AQP4: variants seen among roughly 807,000 people sequenced by gnomAD.
The protein encoded by AQP4 is aquaporin 4, also known as aquaporin-4.
In AQP4, 18 loss-of-function variants were observed where a neutral mutation model predicts 27.8. That is an observed-to-expected ratio of 0.65 (90% CI 0.45 to 0.96). The LOEUF is 0.96. Among genes scored for constraint, AQP4 ranks in the 40% least tolerant of loss-of-function variants. The pLI is 0.00. For missense variants in AQP4, 412 were observed against 408.2 expected (o/e 1.01, Z -0.08); for synonymous variants, 141 against 142.9 (o/e 0.99, Z 0.10).
chr18:26,862,197 G>A lies in AQP4; in HGVS notation c.432C>T (p.Gly144=). Residue 144 remains glycine (G), a synonymous_variant, in exon 2 of 5, where the codon GGC becomes GGT. Coordinates refer to ENST00000383168, the MANE Select transcript of AQP4 (RefSeq NM_001650.7). The part of the protein sequence containing the change: ...YLVTPPSVVG[G]LGVTMVHGNL... ...AAGATGCTACCATGGTGACTCCCAG[G>A]CCTCCCACCACACTGGGAGGTGTGA... is the stretch of plus-strand genomic sequence containing the variant. 1 of 1,614,090 alleles carries A rather than the reference G, an allele frequency of 6.2e-7. No individual in the cohort carries two copies. The highest frequency in any genetic ancestry group is 8.5e-7 in the Non-Finnish European group (1 of 1,179,978).
Position 26,860,852 on chromosome 18 carries a change from T to C in AQP4, c.613A>G (p.Ile205Val), listed in dbSNP as rs72557974. Reference sequence around the variant, plus strand: ...TTCATGCTGGCACCAGTATAATTGATCTATAGGAAACAAGAAAACAACTTC... The same window carrying C: ...TTCATGCTGGCACCAGTATAATTGACCTATAGGAAACAAGAAAACAACTTC... ...FSVAIGHLFA[I>V]NYTGASMNPA... The change falls in exon 4 of 5, where the codon ATC (isoleucine) becomes GTC (valine). Residue 205 changes from isoleucine to valine, a missense_variant and splice_region_variant. By Grantham distance (29) the Ile-to-Val change is conservative. Coordinates refer to ENST00000383168, the MANE Select transcript of AQP4 (RefSeq NM_001650.7). 12 of 1,613,768 alleles carry C rather than the reference T, an allele frequency of 7.4e-6. No individual in the cohort carries two copies. Among genetic ancestry groups the C allele is most frequent in the Non-Finnish European group, 9.3e-6 (11 of 1,179,804 alleles).
rs1341069896 is a variant in AQP4 at position 26,852,253 on chromosome 18, A to G, written c.*3958T>C. ...GTGAATATAACCATATGTTCAGTCT[A>G]TTCTCCCCAGTTTATCCTAAATGAC... On this transcript the variant is annotated 3_prime_UTR_variant, in exon 5 of 5. Transcript: ENST00000383168. 1 of 152,180 alleles carries G rather than the reference A, an allele frequency of 6.6e-6. No individual in the cohort carries two copies. Among genetic ancestry groups the G allele is most frequent in the African/African-American group, 2.4e-5 (1 of 41,462 alleles). 9.4% of individuals were successfully genotyped at this position (152,180 alleles called of 1,614,324 possible).
At chr18:26,861,356 T>G in intron 2 of AQP4, 61 bp from the exon 3 acceptor site, 1 of 1,527,524 alleles carries the variant, frequency 6.5e-7, no homozygotes, top group Non-Finnish European at 9.0e-7. Flanking sequence ...GACAATGTAT[T>G]AATATCATTG....
rs1242678759 is a variant in AQP4 at position 26,852,575 on chromosome 18, C to G, written c.*3636G>C. 2.8e-6 allele frequency: 1 copy of G among 363,164 alleles called. No individual in the cohort carries two copies. The highest frequency in any genetic ancestry group is 4.9e-6 in the Non-Finnish European group (1 of 204,112). 22.5% of individuals were successfully genotyped at this position (363,164 alleles called of 1,614,324 possible). On this transcript the variant is annotated 3_prime_UTR_variant, in exon 5 of 5. Transcript: ENST00000383168. ...TTTGATCCTTGAATTAAATGTCTTTCATTTATTTCAGAGAATTATGAGTTT... is the reference window on the plus strand; with the variant it reads ...TTTGATCCTTGAATTAAATGTCTTTGATTTATTTCAGAGAATTATGAGTTT...
intron 1 of AQP4, 194 bp from the exon 2 acceptor site, chr18:26,862,790 T>C: frequency 2.9e-6 from 2 of 686,798 alleles, no homozygotes; most frequent in East Asian, 2.7e-5. Flanking sequence ...TCTCCTTTCA[T>C]TTAATATTCA....
rs2054795440 is a variant in AQP4, at chr18:26,853,842, C to T, written c.*2369G>A. 6.6e-6 allele frequency: 1 copy of T among 152,454 alleles called. No individual in the cohort carries two copies. The highest frequency in any genetic ancestry group is 6.6e-5 in the Admixed American group (1 of 15,264). The allele number at this position is 152,454 out of a possible 1,614,324, so 9.4% of individuals were successfully genotyped here. On this transcript the variant is annotated 3_prime_UTR_variant, in exon 5 of 5. Transcript: ENST00000383168. ...AGGGGCAAAAAAGTGCTAAAGCTTT[C>T]ATTCATTTCATGCCCCTAAAAATAG...
chr18:26,856,266 C>A lies in AQP4; in HGVS notation c.917G>T (p.Arg306Leu). 6.2e-7 allele frequency: 1 copy of A among 1,614,182 alleles called. No individual in the cohort carries two copies. Among genetic ancestry groups the A allele is most frequent in the Non-Finnish European group, 8.5e-7 (1 of 1,180,028 alleles). ...PGVVHVIDVD[R>L]GEEKKGKDQS... ...GTCTTTCCCCTTCTTCTCCTCTCCC[C>A]GGTCAACGTCAATCACATGCACCAC... Residue 306 changes from arginine to leucine, a missense_variant, in exon 5 of 5, where the codon CGG becomes CTG. Arg to Leu is a moderately radical substitution (Grantham distance 102, BLOSUM62 -2). Transcript: ENST00000383168.
At position 26,862,699 on chromosome 18, in the gene AQP4, C is replaced by T. The variant is rs2054976659; in HGVS notation, c.33-103G>A. The T allele has an allele frequency of 2.0e-6, 3 of 1,499,782 alleles. No homozygotes were observed. The African/African-American group carries it at 4.1e-5, about 21-fold the overall frequency. The allele number at this position is 1,499,782 out of a possible 1,614,324, so 92.9% of individuals were successfully genotyped here. On this transcript the variant is annotated intron_variant, in intron 1 of 4. Transcript: ENST00000383168. The stretch of plus-strand genomic sequence containing the variant: ...CATCTTCGGGTACTGTGGGCAGGGG[C>T]TGCCAGGCGTGATTTGCACACCAAG...
intron 1 of AQP4, among the ~76,000 whole-genome samples, chr18:26,864,069 T>C (rs1308299205): frequency 6.6e-6 from 1 of 151,994 alleles, no homozygotes; most frequent in African/African-American, 2.4e-5. Context: ...GTGATAGTCA[T>C]GAGAGCCAAG....
intron 3 of AQP4, 66 bp from the exon 4 acceptor site, chr18:26,860,918 T>G: frequency 6.6e-7 from 1 of 1,508,994 alleles, no homozygotes; most frequent in East Asian, 2.3e-5. Flanking sequence ...TATCATTCAT[T>G]GCAATTTGCT....
intron 1 of AQP4, among the ~76,000 whole-genome samples, chr18:26,863,412 C>A (rs902222322): frequency 1.3e-5 from 2 of 152,176 alleles, no homozygotes; most frequent in African/African-American, 4.8e-5. Flanking sequence ...CCGTGGCAGG[C>A]TCCCGGGCGG....
At position 26,861,641 on chromosome 18, in the gene AQP4, A is replaced by G. The variant is rs535300793; in HGVS notation, c.448-346T>C. 5.9e-5 allele frequency among the ~76,000 whole-genome samples: 9 copies of G among 152,350 alleles called. No homozygotes were observed. In the South Asian group the frequency reaches 1.9e-3, roughly 32 times the overall value. On this transcript the variant is annotated intron_variant, in intron 2 of 4. Transcript: ENST00000383168. ...ATTTTATAAGGCAATGATTAAATCC[A>G]TTAATTAGGTTTAAATTAATTAATA...
chr18:26,864,568 T>C (rs2055022167), intron 1 of AQP4, among the ~76,000 whole-genome samples: 2 of 152,166 alleles, frequency 1.3e-5, no homozygotes, highest in Admixed American at 6.5e-5. Flanking sequence ...GAGGGCACCC[T>C]GGAGGAGACA....
chr18:26,856,658 G>A (rs2054850886), intron 4 of AQP4, among the ~76,000 whole-genome samples, 169 bp from the exon 5 acceptor site: 1 of 152,164 alleles, frequency 6.6e-6, no homozygotes, highest in South Asian at 2.1e-4. Flanking sequence ...CCTCATCAGA[G>A]ATCCATAAAT....
chr18:26,858,900 A>G (rs2054890182), intron 4 of AQP4, among the ~76,000 whole-genome samples: 1 of 152,242 alleles, frequency 6.6e-6, no homozygotes, highest in Admixed American at 6.5e-5. Flanking sequence ...TCATTACACT[A>G]TACAAAAAAC....
rs1304612448 is a variant in AQP4, at chr18:26,862,496, T to C, written c.133A>G (p.Met45Val). 5 of 1,614,210 alleles carry C rather than the reference T, an allele frequency of 3.1e-6. No homozygotes were observed. The highest frequency in any genetic ancestry group is 3.4e-6 in the Non-Finnish European group (4 of 1,180,034). Residue 45 changes from methionine to valine, a missense_variant, in exon 2 of 5, where the codon ATG (methionine) becomes GTG (valine). Transcript: ENST00000383168. The part of the protein sequence containing the change: ...WKAVTAEFLA[M>V]LIFVLLSLGS... Reference sequence around the variant, plus strand: ...AGGCTGAGGAGAACAAAAATAAGCATGGCCAGAAATTCCGCTGTGACTGCT... The same window carrying C: ...AGGCTGAGGAGAACAAAAATAAGCACGGCCAGAAATTCCGCTGTGACTGCT...
chr18:26,865,114 C>T (rs1376777963), intron 1 of AQP4: 1 of 155,770 alleles, frequency 6.4e-6, no homozygotes, highest in Non-Finnish European at 1.4e-5. Context: ...GGCTGTGAAC[C>T]GTGAAGTTTG....
At chr18:26,865,038 CTTT>C (rs58002791) in intron 1 of AQP4, among the ~76,000 whole-genome samples, 1 of 146,564 alleles carries the variant, frequency 6.8e-6, no homozygotes. Flanking sequence ...ATGTTTTTAG[CTTT>C]TTTTTTTTTT....
At chr18:26,857,201 A>G (rs908133921) in intron 4 of AQP4, among the ~76,000 whole-genome samples, 4 of 152,176 alleles carry the variant, frequency 2.6e-5, no homozygotes, top group Non-Finnish European at 5.9e-5. Context: ...CCTCGTGTTC[A>G]TTACTGTGCA....
Sources: gnomAD v4.1 joint callset for allele counts (sites outside exome capture counted in the v4.1 genomes callset) on GRCh38, gnomAD v4.1.1 for gene constraint, MANE v1.5 for transcripts, NCBI Gene and HGNC (gene_info 2026-07-23, HGNC 2026-07-21) for gene names.